The following TBC1D31 variants were observed in gnomAD, a reference collection of about 807,000 sequenced individuals.
TBC1D31 encodes WD repeat domain 67.
TBC1D31 carries 99 observed loss-of-function variants against 132.9 expected under a neutral mutation model. That is an observed-to-expected ratio of 0.74 (90% CI 0.63 to 0.88). TBC1D31 has a LOEUF of 0.88. Among genes scored for constraint, TBC1D31 ranks in the 40% least tolerant of loss-of-function variants. The pLI is 0.00. For synonymous variants in TBC1D31, 385 were observed against 419.4 expected (o/e 0.92, Z 1.00); for missense variants, 1,134 against 1,256.6 (o/e 0.90, Z 1.48).
chr8:123,107,357 T>C (rs893723621), intron 8 of TBC1D31, among the ~76,000 whole-genome samples: 7 of 152,230 alleles, frequency 4.6e-5, no homozygotes, highest in African/African-American at 1.7e-4. Flanking sequence ...TTATCCCCCA[T>C]CACATTTTTC....
At chr8:123,140,705 T>G in intron 17 of TBC1D31, 56 bp from the exon 18 acceptor site, 1 of 1,436,016 alleles carries the variant, frequency 7.0e-7, no homozygotes, top group South Asian at 1.3e-5. Context: ...AAAAGTCATT[T>G]TTGTATTCTA....
intron 13 of TBC1D31, chr8:123,127,988 GA>G (rs886245310): frequency 6.3e-4 from 125 of 199,094 alleles, no homozygotes; most frequent in Non-Finnish European, 7.7e-4. Context: ...GGATTTTGAA[GA>G]AAAAAAAAAT....
downstream of TBC1D31, among the ~76,000 whole-genome samples, chr8:123,156,311 C>G (rs1586758773): frequency 6.6e-6 from 1 of 151,852 alleles, no homozygotes; most frequent in African/African-American, 2.4e-5. Context: ...TGTAGTGGTA[C>G]GTGCCTGTAG....
At chr8:123,094,584 G>A (rs1367193346) in intron 5 of TBC1D31, among the ~76,000 whole-genome samples, 2 of 151,074 alleles carry the variant, frequency 1.3e-5, no homozygotes, top group African/African-American at 4.9e-5. Context: ...TTGTCCCCCA[G>A]GCTGGAGTGC....
rs368979587 is a variant in TBC1D31, at chr8:123,150,118, C to G, written c.3057C>G (p.Pro1019=). The change falls in exon 21 of 22, where the codon CCC becomes CCG. Residue 1019 remains proline, a synonymous_variant. Coordinates refer to ENST00000287380, the MANE Select transcript of TBC1D31 (RefSeq NM_145647.4). ...SQLNDSSEMD[P]STQISLNRRA... is the part of the protein sequence containing the mutation. Reference sequence around the variant, plus strand: ...TAAATGACTCTTCTGAAATGGATCCCTCAACACAGAGTAAGTTGATAAGCA... The same window carrying G: ...TAAATGACTCTTCTGAAATGGATCCGTCAACACAGAGTAAGTTGATAAGCA... 1.1e-5 allele frequency: 18 copies of G among 1,611,582 alleles called. No individual in the cohort carries two copies. The highest frequency in any genetic ancestry group is 2.7e-5 in the African/African-American group (2 of 74,842).
the TBC1D31 span, among the ~76,000 whole-genome samples, chr8:123,159,557 C>T: frequency 6.6e-6 from 1 of 152,126 alleles, no homozygotes; most frequent in African/African-American, 2.4e-5. Context: ...TTTGGGAGGC[C>T]TAGGCGGGAG....
intron 2 of TBC1D31, among the ~76,000 whole-genome samples, chr8:123,080,337 T>C (rs753078665): frequency 6.6e-6 from 1 of 152,076 alleles, no homozygotes; most frequent in Non-Finnish European, 1.5e-5. Context: ...GGCAAATATA[T>C]GGGAAACTAA....
In TBC1D31 at chr8:123,150,107, G is replaced by A; in HGVS notation, c.3046G>A (p.Glu1016Lys). ...AACCTCACAATTAAATGACTCTTCTGAAATGGATCCCTCAACACAGAGTAA... is the reference window on the plus strand; with the variant it reads ...AACCTCACAATTAAATGACTCTTCTAAAATGGATCCCTCAACACAGAGTAA... Reference protein sequence around the residue: ...PRTSQLNDSSEMDPSTQISLN... With the variant: ...PRTSQLNDSSKMDPSTQISLN... Residue 1016 changes from glutamate (E) to lysine (K), a missense_variant, in exon 21 of 22, where the codon GAA becomes AAA. Coordinates refer to ENST00000287380, the MANE Select transcript of TBC1D31 (RefSeq NM_145647.4). 6.2e-7 allele frequency: 1 copy of A among 1,613,494 alleles called. No individual in the cohort carries two copies. The highest frequency in any genetic ancestry group is 1.7e-4 in the Middle Eastern group (1 of 6,058).
chr8:123,107,246 G>A (rs1818015697), intron 8 of TBC1D31, among the ~76,000 whole-genome samples: 1 of 152,150 alleles, frequency 6.6e-6, no homozygotes, highest in African/African-American at 2.4e-5. Context: ...GCCTTCTGAG[G>A]GTAGCAGGCT....
At chr8:123,142,487 T>A in intron 19 of TBC1D31, 31 bp downstream of exon 19, 1 of 1,395,900 alleles carries the variant, frequency 7.2e-7, no homozygotes, top group Non-Finnish European at 9.5e-7. Context: ...CTTTTTAATA[T>A]CAAGCATTGA....
chr8:123,075,414 A>C (rs191562323), intron 1 of TBC1D31, among the ~76,000 whole-genome samples: 189 of 152,320 alleles, frequency 1.2e-3, no homozygotes, highest in African/African-American at 3.9e-3. Flanking sequence ...TATAAAATCC[A>C]AAAACTAGGC....
chr8:123,119,096 C>T (rs1255121548), intron 10 of TBC1D31, among the ~76,000 whole-genome samples: 3 of 152,112 alleles, frequency 2.0e-5, no homozygotes, highest in Non-Finnish European at 4.4e-5. Context: ...ATTGGAACTA[C>T]GTTGAAGTAC....
At chr8:123,133,004 C>T (rs1018418861) in intron 16 of TBC1D31, among the ~76,000 whole-genome samples, 2 of 152,166 alleles carry the variant, frequency 1.3e-5, no homozygotes, top group African/African-American at 4.8e-5. Flanking sequence ...GATCTGGCCT[C>T]CGCCTACCCT....
chr8:123,139,565 A>G (rs1360320767), intron 17 of TBC1D31, among the ~76,000 whole-genome samples: 1 of 152,076 alleles, frequency 6.6e-6, no homozygotes, highest in East Asian at 1.9e-4. Context: ...CGCCTTTATC[A>G]CTCAGCTAGG....
chr8:123,087,910 C>T (rs1033695704), intron 4 of TBC1D31, among the ~76,000 whole-genome samples: 3 of 152,094 alleles, frequency 2.0e-5, no homozygotes, highest in Admixed American at 1.3e-4. Context: ...GGACCGGGTA[C>T]GGGGGCTTAC....
At chr8:123,073,433 T>G (rs1456468026) in intron 1 of TBC1D31, 1 of 455,952 alleles carries the variant, frequency 2.2e-6, no homozygotes, top group African/African-American at 2.0e-5. Flanking sequence ...TATCGGCGTG[T>G]ATGTAGGGGC....
downstream of TBC1D31, among the ~76,000 whole-genome samples, chr8:123,157,120 A>C (rs918191236): frequency 1.9e-4 from 29 of 152,184 alleles, no homozygotes; most frequent in African/African-American, 6.5e-4. Context: ...ACCTGGTCCC[A>C]GGACACTCGT....
At chr8:123,158,711 A>T in the TBC1D31 span, among the ~76,000 whole-genome samples, 1 of 152,138 alleles carries the variant, frequency 6.6e-6, no homozygotes, top group Non-Finnish European at 1.5e-5. Flanking sequence ...GTAGGGACAT[A>T]CCATCTTGAC....
intron 20 of TBC1D31, 80 bp from the exon 21 acceptor site, chr8:123,149,956 C>T: frequency 1.0e-6 from 1 of 974,092 alleles, no homozygotes; most frequent in South Asian, 1.5e-5. Context: ...GTGATTGTAA[C>T]TTACTAGGGA....
Sources: gnomAD v4.1 joint callset for allele counts (sites outside exome capture counted in the v4.1 genomes callset) on GRCh38, gnomAD v4.1.1 for gene constraint, MANE v1.5 for transcripts, NCBI Gene and HGNC (gene_info 2026-07-23, HGNC 2026-07-21) for gene names.